The following MROH1 variants were observed in gnomAD, a reference collection of about 807,000 sequenced individuals.
MROH1 encodes maestro heat-like repeat-containing protein family member 1.
In MROH1, 117 loss-of-function variants were observed where a neutral mutation model predicts 116.5. The ratio of observed to expected loss-of-function variants is 1.00; its 90% confidence interval spans 0.86 to 1.17. The LOEUF (loss-of-function observed/expected upper bound fraction) is 1.17, where lower values mean the gene tolerates loss of function less well. MROH1 is among the 50% of genes most tolerant of loss of function. MROH1 has a pLI of 0.00. For synonymous variants in MROH1, 921 were observed against 583.9 expected (o/e 1.58, Z -8.32); for missense variants, 1,873 against 1,338.5 (o/e 1.40, Z -6.23).
At chr8:144,191,913 G>A (rs921145461) in intron 9 of MROH1, 58 bp downstream of exon 9, 7 of 1,599,412 alleles carry the variant, frequency 4.4e-6, no homozygotes, top group Middle Eastern at 1.7e-4. Flanking sequence ...CAGACTCCCC[G>A]GGGGTGGCCG....
At position 144,239,988 on chromosome 8, in the gene MROH1, C is replaced by T. The variant is rs1043743737; in HGVS notation, c.1775-113C>T. ...CTTCCTGGGAGCAGGTGGGGGGCAGCGGGGCGGCGGGGCCTGTCTGTGCTG... is the reference window on the plus strand; with the variant it reads ...CTTCCTGGGAGCAGGTGGGGGGCAGTGGGGCGGCGGGGCCTGTCTGTGCTG... On this transcript the variant is annotated intron_variant, in intron 18 of 43. Transcript: ENST00000326134. The T allele has an allele frequency of 3.7e-4, 261 of 712,776 alleles. No homozygotes were observed. In the African/African-American group the frequency reaches 4.0e-3, roughly 11 times the overall value. 44.2% of individuals were successfully genotyped at this position (712,776 alleles called of 1,614,324 possible).
At position 144,238,834 on chromosome 8, in the gene MROH1, G is replaced by C. The variant is rs1009164688; in HGVS notation, c.1417G>C (p.Val473Leu). Residue 473 changes from valine (V) to leucine (L), a missense_variant, in exon 15 of 44, where the codon GTC becomes CTC. Physicochemically the swap from Val to Leu is conservative, Grantham distance 32. Transcript: ENST00000326134. ...CATCAGCGTGCGCACCCTCTACCTG[G>C]TCAGCACCACCGTGGACAGGATGAG... ...RAISVRTLYLVSTTVDRMSHV... is the reference protein window; with the variant it reads ...RAISVRTLYLLSTTVDRMSHV... The C allele has an allele frequency of 1.5e-4, 114 of 774,928 alleles. 1 individual carries two copies. Among genetic ancestry groups the C allele is most frequent in the South Asian group, 1.4e-3 (104 of 74,592 alleles). 48.0% of individuals were successfully genotyped at this position (774,928 alleles called of 1,614,324 possible).
chr8:144,205,466 C>T (rs762178649), intron 12 of MROH1, among the ~76,000 whole-genome samples: 29 of 151,710 alleles, frequency 1.9e-4, no homozygotes, highest in Non-Finnish European at 4.0e-4. Flanking sequence ...TCTTTTCTGC[C>T]TAGATGCCCA....
At position 144,240,063 on chromosome 8, in the gene MROH1, G is replaced by A. The variant is rs1018443610; in HGVS notation, c.1775-38G>A. On this transcript the variant is annotated intron_variant, in intron 18 of 43. Transcript: ENST00000326134. Reference sequence around the variant, plus strand: ...GCTGGGCTCTGAGCCCCACTGGTGCGTTTTGGGATGGGCTGGCCTGCGCGG... The same window carrying A: ...GCTGGGCTCTGAGCCCCACTGGTGCATTTTGGGATGGGCTGGCCTGCGCGG... 14,157 of 765,308 alleles carry A rather than the reference G, an allele frequency of 0.018. 1,398 individuals are homozygous for A. In the African/African-American group the frequency reaches 0.21, roughly 11 times the overall value. The allele number at this position is 765,308 out of a possible 1,614,324, so 47.4% of individuals were successfully genotyped here.
chr8:144,206,670 C>T (rs993686759), intron 12 of MROH1, among the ~76,000 whole-genome samples: 2 of 151,546 alleles, frequency 1.3e-5, no homozygotes. Context: ...GTGATCCACC[C>T]GCCTCGGTCT....
At chr8:144,162,842 C>G (rs1359550462) in intron 2 of MROH1, among the ~76,000 whole-genome samples, 1 of 151,730 alleles carries the variant, frequency 6.6e-6, no homozygotes, top group African/African-American at 2.4e-5. Context: ...CATGCCTCAG[C>G]TCCCTGAGTA....
intron 7 of MROH1, among the ~76,000 whole-genome samples, chr8:144,188,449 ATTTTTTTTTTTTTTTTTTTTTTTTTTTT>A (rs573524223): frequency 6.5e-5 from 3 of 45,812 alleles, no homozygotes; most frequent in Non-Finnish European, 7.8e-5. Flanking sequence ...CCACTGCCCA[ATTTTTTTTTTTTTTTTTTTTTTTTTTTT>A]TTTTTTTTTT....
intron 3 of MROH1, 32 bp from the exon 4 acceptor site, chr8:144,168,263 C>T (rs1244025202): frequency 1.3e-6 from 2 of 1,555,398 alleles, no homozygotes; most frequent in East Asian, 2.3e-5. Context: ...GCGCTTGGGC[C>T]TGAGCATGCT....
At position 144,180,664 on chromosome 8, in the gene MROH1, A is replaced by G; in HGVS notation, c.562+141A>G. On this transcript the variant is annotated intron_variant, in intron 7 of 43. Transcript: ENST00000326134. This position sits in a 1 kb window ranked among gnomAD's most constrained non-coding sequence, Gnocchi z 7.4. ...GTTGGAGGGAGGGGCCCCCTGGCTG[A>G]GGCTGCTGGCTGGTTGGGGGGCCCA... 1 of 755,440 alleles carries G rather than the reference A, an allele frequency of 1.3e-6. No homozygotes were observed. Among genetic ancestry groups the G allele is most frequent in the Middle Eastern group, 3.9e-4 (1 of 2,554 alleles). The allele number at this position is 755,440 out of a possible 1,614,324, so 46.8% of individuals were successfully genotyped here.
intron 35 of MROH1, among the ~76,000 whole-genome samples, chr8:144,256,281 G>C (rs1016520418): frequency 6.6e-6 from 1 of 152,124 alleles, no homozygotes; most frequent in Non-Finnish European, 1.5e-5. Flanking sequence ...CCATGTGAAC[G>C]CAGGGCTGCC....
At chr8:144,205,374 G>T (rs1832589593) in intron 12 of MROH1, among the ~76,000 whole-genome samples, 1 of 152,120 alleles carries the variant, frequency 6.6e-6, no homozygotes, top group African/African-American at 2.4e-5. Flanking sequence ...TTGCTTTCTT[G>T]TCTTCTAGAA....
intron 14 of MROH1, among the ~76,000 whole-genome samples, chr8:144,227,887 A>C (rs1838105227): frequency 6.6e-6 from 1 of 152,074 alleles, no homozygotes; most frequent in South Asian, 2.1e-4. Context: ...CAGGGAGTCG[A>C]GGCTGCAGTG....
chr8:144,175,492 C>T (rs1823628672), intron 4 of MROH1: 1 of 985,274 alleles, frequency 1.0e-6, no homozygotes, highest in African/African-American at 1.7e-5. Context: ...CTCCCCAGTT[C>T]CTGCACTATA....
At chr8:144,237,739 C>A (rs1386128569) in intron 14 of MROH1, among the ~76,000 whole-genome samples, 1 of 152,146 alleles carries the variant, frequency 6.6e-6, no homozygotes, top group Non-Finnish European at 1.5e-5. Flanking sequence ...CACACCCTGT[C>A]GCTGGGATTT....
chr8:144,176,681 T>C (rs1472534557), intron 4 of MROH1, among the ~76,000 whole-genome samples: 1 of 151,578 alleles, frequency 6.6e-6, no homozygotes, highest in Non-Finnish European at 1.5e-5. Context: ...ATACAAAAAT[T>C]AGCCAGGCAT....
chr8:144,196,470 C>A (rs1262883244), intron 10 of MROH1, among the ~76,000 whole-genome samples: 1 of 151,280 alleles, frequency 6.6e-6, no homozygotes, highest in African/African-American at 2.4e-5. Flanking sequence ...CATTCTCCTG[C>A]CTCAGCCTCC....
intron 9 of MROH1, 49 bp from the exon 10 acceptor site, chr8:144,192,260 C>T (rs535615733): frequency 6.7e-6 from 10 of 1,488,966 alleles, no homozygotes; most frequent in African/African-American, 2.8e-5. Context: ...TTAGTCAGTT[C>T]GGGCGGCTGG....
intron 4 of MROH1, among the ~76,000 whole-genome samples, chr8:144,178,188 C>CG (rs1485122367): frequency 3.1e-5 from 1 of 32,570 alleles, no homozygotes; most frequent in Admixed American, 4.3e-4. Context: ...GGCTGGAGTG[C>CG]AGTGGCGCGA....
chr8:144,257,789 G>A (rs62532298), intron 35 of MROH1, among the ~76,000 whole-genome samples: 100,393 of 152,248 alleles, frequency 0.66, 35,103 homozygotes, highest in African/African-American at 0.91. Flanking sequence ...CACACGGCCC[G>A]TGCCGCTCGG....
Sources: gnomAD v4.1 joint callset for allele counts (sites outside exome capture counted in the v4.1 genomes callset) on GRCh38, gnomAD v4.1.1 for gene constraint, Gnocchi (gnomAD v3.1) non-coding constraint, MANE v1.5 for transcripts, NCBI Gene and HGNC (gene_info 2026-07-23, HGNC 2026-07-21) for gene names.